Variants in NTRK3 observed in about 807,000 individuals in gnomAD.
NTRK3 encodes the protein NT-3 growth factor receptor.
NTRK3 carries 24 observed loss-of-function variants against 91.7 expected under a neutral mutation model. The observed-to-expected ratio is 0.26, with a 90% confidence interval of 0.19 to 0.37. The LOEUF (loss-of-function observed/expected upper bound fraction) is 0.37. Among genes scored for constraint, NTRK3 ranks in the 10% least tolerant of loss-of-function variants. NTRK3 has a pLI of 1.00. For missense variants in NTRK3, 880 were observed against 1,068.9 expected (o/e 0.82, Z 2.46); for synonymous variants, 483 against 404.0 (o/e 1.20, Z -2.34).
Position 88,141,431 on chromosome 15 carries a change from C to T in NTRK3, c.465-3870G>A, listed in dbSNP as rs540476551. Reference sequence around the variant, plus strand: ...GAAAGATAGGCCAGAGGAGGTGGAGCAGTGTGGGCTCACACTGCAGGGGCT... The same window carrying T: ...GAAAGATAGGCCAGAGGAGGTGGAGTAGTGTGGGCTCACACTGCAGGGGCT... On this transcript the variant is annotated intron_variant, in intron 6 of 18. Transcript: ENST00000394480. 4.6e-5 allele frequency among the ~76,000 whole-genome samples: 7 copies of T among 152,300 alleles called. No individual in the cohort carries two copies. In the East Asian group the frequency reaches 1.4e-3, roughly 29 times the overall value.
chr15:88,216,675 C>T (rs544762916), intron 3 of NTRK3, among the ~76,000 whole-genome samples: 70 of 152,320 alleles, frequency 4.6e-4, no homozygotes, highest in African/African-American at 1.7e-3. Context: ...GGCACATCCC[C>T]TGTGGTGGGT....
chr15:88,243,959 T>G lies in NTRK3; in HGVS notation c.248+11947A>C, dbSNP rs1008391179. ...CCTAGCAGTTGAAGGGGAGAAATTC[T>G]GCTAATGAAACCTCTGAAGCCAATA... On this transcript the variant is annotated intron_variant, in intron 3 of 18. Coordinates refer to ENST00000394480, the Ensembl canonical transcript of NTRK3. This position sits in a 1 kb window ranked among gnomAD's most constrained non-coding sequence, Gnocchi z 4.8. Among the ~76,000 whole-genome samples, 6 of 152,236 alleles carry G rather than the reference T, an allele frequency of 3.9e-5. No homozygotes were observed. Among genetic ancestry groups the G allele is most frequent in the African/African-American group, 1.4e-4 (6 of 41,462 alleles).
In NTRK3 at chr15:88,247,967, C is replaced by T. The variant is rs77389975; in HGVS notation, c.248+7939G>A. On this transcript the variant is annotated intron_variant, in intron 3 of 18. Transcript: ENST00000394480. Reference sequence around the variant, plus strand: ...AGCTGCCCAGCGCTTTAGACACCCCCCTTTTGCTCTGCACCCAGAAATGCT... The same window carrying T: ...AGCTGCCCAGCGCTTTAGACACCCCTCTTTTGCTCTGCACCCAGAAATGCT... Among the ~76,000 whole-genome samples the T allele has an allele frequency of 5.4e-3, 818 of 152,318 alleles. 3 individuals carry two copies. The highest frequency in any genetic ancestry group is 0.019 in the African/African-American group (774 of 41,562).
intron 13 of NTRK3, among the ~76,000 whole-genome samples, chr15:88,044,253 TC>T (rs1212774725): frequency 9.2e-5 from 13 of 141,284 alleles, no homozygotes; most frequent in Non-Finnish European, 1.5e-4. Context: ...AAGTCTATGT[TC>T]TTTTTTTTTT....
At chr15:88,089,710 G>A (rs888357015) in intron 13 of NTRK3, among the ~76,000 whole-genome samples, 10 of 152,226 alleles carry the variant, frequency 6.6e-5, no homozygotes, top group Admixed American at 1.3e-4. Context: ...TCTTGAGCAG[G>A]GCACAACCTG....
chr15:87,959,080 C>T (rs1242469784), intron 14 of NTRK3, among the ~76,000 whole-genome samples: 1 of 151,906 alleles, frequency 6.6e-6, no homozygotes, highest in East Asian at 1.9e-4. Context: ...ACCTTAGAGC[C>T]ATGACAGCAG....
chr15:87,872,356 C>T (rs1488409470), exon 19 of NTRK3: 1 of 223,860 alleles, frequency 4.5e-6, no homozygotes, highest in African/African-American at 2.2e-5. Flanking sequence ...ATTAGTCATT[C>T]CTGAATAGAA....
exon 19 of NTRK3, chr15:87,866,709 T>C (rs1003053121): frequency 5.3e-6 from 1 of 190,336 alleles, no homozygotes; most frequent in Non-Finnish European, 1.1e-5. Flanking sequence ...TATCTCTTTG[T>C]TTCTAGAAAG....
chr15:87,989,405 A>G (rs1412328780), intron 14 of NTRK3, among the ~76,000 whole-genome samples: 2 of 152,226 alleles, frequency 1.3e-5, no homozygotes, highest in Non-Finnish European at 2.9e-5. Context: ...TCGCAAGGAC[A>G]AAAAACCAAA....
At position 88,029,791 on chromosome 15, in the gene NTRK3, C is replaced by T. The variant is rs547657623; in HGVS notation, c.1585+3066G>A. ...TGGCTTTAATTATTTATGATAGTGGCTCATCGCACACAGGGATGTGTCTTG... is the reference window on the plus strand; with the variant it reads ...TGGCTTTAATTATTTATGATAGTGGTTCATCGCACACAGGGATGTGTCTTG... On this transcript the variant is annotated intron_variant, in intron 14 of 18. Transcript: ENST00000394480. 2.0e-5 allele frequency among the ~76,000 whole-genome samples: 3 copies of T among 152,194 alleles called. No homozygotes were observed. In the East Asian group the frequency reaches 5.8e-4, roughly 29 times the overall value.
chr15:87,929,517 G>A (rs2141918974), intron 16 of NTRK3, 83 bp from the exon 17 acceptor site: 1 of 1,522,590 alleles, frequency 6.6e-7, no homozygotes, highest in Non-Finnish European at 8.9e-7. Context: ...CCTGCCCTCT[G>A]GAATGCCCCA....
chr15:87,980,387 ATG>A (rs1385190667), intron 14 of NTRK3, among the ~76,000 whole-genome samples: 10 of 151,670 alleles, frequency 6.6e-5, no homozygotes, highest in South Asian at 2.1e-4. Context: ...ATCTGTTTGC[ATG>A]TGTGTTTGCA....
chr15:88,017,815 A>G (rs73458501), intron 14 of NTRK3, among the ~76,000 whole-genome samples: 1,615 of 152,292 alleles, frequency 0.011, 31 homozygotes, highest in African/African-American at 0.037. Context: ...CCCCAAGCAC[A>G]TATTTAAAAT....
chr15:88,238,876 G>A (rs113892077), intron 3 of NTRK3, among the ~76,000 whole-genome samples: 2 of 152,220 alleles, frequency 1.3e-5, no homozygotes, highest in African/African-American at 4.8e-5. Context: ...ATGGGCTCTG[G>A]AGTCAGCCTG....
chr15:88,225,150 A>C (rs1019745924), intron 3 of NTRK3, among the ~76,000 whole-genome samples: 2 of 152,102 alleles, frequency 1.3e-5, no homozygotes, highest in Admixed American at 1.3e-4. Flanking sequence ...TGGCAGGAAT[A>C]ATGAAAGGGG....
At chr15:88,055,463 A>G (rs1229415313) in intron 13 of NTRK3, among the ~76,000 whole-genome samples, 5 of 152,224 alleles carry the variant, frequency 3.3e-5, no homozygotes, top group Admixed American at 3.3e-4. Context: ...AATATGAAAT[A>G]TATTCATTCA....
intron 13 of NTRK3, among the ~76,000 whole-genome samples, chr15:88,060,705 C>T (rs1362084287): frequency 6.6e-6 from 1 of 152,144 alleles, no homozygotes; most frequent in East Asian, 1.9e-4. Flanking sequence ...GCTCAGGCTG[C>T]TGTGTGCAGA....
chr15:87,905,302 A>C (rs2066697752), intron 17 of NTRK3, among the ~76,000 whole-genome samples: 1 of 152,178 alleles, frequency 6.6e-6, no homozygotes, highest in Non-Finnish European at 1.5e-5. Context: ...CTACTTTATC[A>C]CAAAAAGAAA....
At chr15:87,876,126 A>C (rs982554305) in exon 19 of NTRK3, 3 of 232,420 alleles carry the variant, frequency 1.3e-5, no homozygotes, top group African/African-American at 6.6e-5. Flanking sequence ...CCAGTTCTTT[A>C]AGTTCTGAGA....
Sources: gnomAD v4.1 joint callset for allele counts (sites outside exome capture counted in the v4.1 genomes callset) on GRCh38, gnomAD v4.1.1 for gene constraint, Gnocchi (gnomAD v3.1) non-coding constraint, MANE v1.5 for transcripts, NCBI Gene and HGNC (gene_info 2026-07-23, HGNC 2026-07-21) for gene names.